THSD7B: variants seen among roughly 807,000 people sequenced by gnomAD.
The protein encoded by THSD7B is thrombospondin type-1 domain-containing protein 7B.
A neutral mutation model predicts 213.6 loss-of-function variants in THSD7B; 138 were observed. The ratio of observed to expected loss-of-function variants is 0.65; its 90% confidence interval spans 0.56 to 0.74. The LOEUF is 0.74. Among genes scored for constraint, THSD7B ranks in the 30% least tolerant of loss-of-function variants. The pLI is 0.00. For missense variants in THSD7B, 1,931 were observed against 1,991.5 expected (o/e 0.97, Z 0.58); for synonymous variants, 742 against 687.0 (o/e 1.08, Z -1.25).
At chr2:136,984,676 G>C (rs1356698415) in intron 2 of THSD7B, among the ~76,000 whole-genome samples, 1 of 152,188 alleles carries the variant, frequency 6.6e-6, no homozygotes, top group African/African-American at 2.4e-5. Context: ...TTAGTACCAA[G>C]AATGGGGTGT....
chr2:137,475,207 TATATA>T (rs1464657806), intron 15 of THSD7B, among the ~76,000 whole-genome samples: 1 of 152,204 alleles, frequency 6.6e-6, no homozygotes, highest in Non-Finnish European at 1.5e-5. Flanking sequence ...TGAAAATTGA[TATATA>T]ATGTTTGTAT....
chr2:136,914,046 T>G (rs1196715067), intron 2 of THSD7B, among the ~76,000 whole-genome samples: 1 of 152,198 alleles, frequency 6.6e-6, no homozygotes, highest in African/African-American at 2.4e-5. Flanking sequence ...GGAGGGAGGC[T>G]GTACCCTTTA....
intron 2 of THSD7B, among the ~76,000 whole-genome samples, chr2:137,004,340 CACACACAA>C (rs879874735): frequency 6.9e-6 from 1 of 145,982 alleles, no homozygotes; most frequent in African/African-American, 2.6e-5. Context: ...CACACACACA[CACACACAA>C]ACTTATTCCA....
chr2:137,554,729 G>C (rs147607031), intron 15 of THSD7B, among the ~76,000 whole-genome samples: 1 of 152,148 alleles, frequency 6.6e-6, no homozygotes, highest in South Asian at 2.1e-4. Flanking sequence ...TGCACCGAGC[G>C]TGAGCCAAAG....
chr2:136,801,841 A>T (rs1372693598), intron 1 of THSD7B, among the ~76,000 whole-genome samples: 2 of 152,138 alleles, frequency 1.3e-5, no homozygotes, highest in African/African-American at 4.8e-5. Flanking sequence ...GAGTGCTAGA[A>T]CTAAGAGGAG....
chr2:137,085,826 A>G (rs776031195), intron 3 of THSD7B, among the ~76,000 whole-genome samples: 3 of 152,196 alleles, frequency 2.0e-5, no homozygotes, highest in African/African-American at 7.2e-5. Flanking sequence ...ACCACAAACT[A>G]TGAGGGGAAG....
chr2:136,916,888 A>T (rs1471704960), intron 2 of THSD7B, among the ~76,000 whole-genome samples: 1 of 152,192 alleles, frequency 6.6e-6, no homozygotes, highest in Non-Finnish European at 1.5e-5. Context: ...TTCATTCTTT[A>T]GTCTTGGCAT....
chr2:137,642,396 G>T, intron 20 of THSD7B, 92 bp from the exon 21 acceptor site: 1 of 1,450,542 alleles, frequency 6.9e-7, no homozygotes, highest in Non-Finnish European at 9.3e-7. Flanking sequence ...CTATTAAAAT[G>T]AAGACTTACA....
At chr2:137,461,807 G>A (rs1447574461) in intron 15 of THSD7B, among the ~76,000 whole-genome samples, 2 of 152,086 alleles carry the variant, frequency 1.3e-5, no homozygotes, top group Non-Finnish European at 2.9e-5. Flanking sequence ...CTGCTGAGGA[G>A]TCAGAAGGAA....
At chr2:137,535,700 G>T (rs1037607041) in intron 15 of THSD7B, among the ~76,000 whole-genome samples, 1 of 151,702 alleles carries the variant, frequency 6.6e-6, no homozygotes, top group African/African-American at 2.4e-5. Context: ...AGTGAAGGAA[G>T]TAGACTGCAA....
intron 4 of THSD7B, among the ~76,000 whole-genome samples, chr2:137,112,001 C>T (rs981971523): frequency 6.6e-6 from 1 of 152,082 alleles, no homozygotes; most frequent in Non-Finnish European, 1.5e-5. Context: ...ATGGGCTTAG[C>T]CATTAAAGAG....
At chr2:137,234,172 G>A (rs1485404977) in intron 9 of THSD7B, among the ~76,000 whole-genome samples, 2 of 152,246 alleles carry the variant, frequency 1.3e-5, no homozygotes, top group Non-Finnish European at 2.9e-5. Context: ...CAGATATGCA[G>A]TTGGAACAAA....
chr2:137,010,618 A>T (rs1686214273), intron 2 of THSD7B, among the ~76,000 whole-genome samples: 1 of 152,174 alleles, frequency 6.6e-6, no homozygotes, highest in African/African-American at 2.4e-5. Context: ...TGTAGTGCCA[A>T]CACATGTTAT....
intron 12 of THSD7B, among the ~76,000 whole-genome samples, chr2:137,283,477 A>C (rs1184152350): frequency 3.9e-5 from 6 of 152,146 alleles, no homozygotes; most frequent in Non-Finnish European, 7.4e-5. Flanking sequence ...GTCTTGTGCC[A>C]GTTTTCAAAG....
At chr2:136,796,599 A>C (rs911903289) in intron 1 of THSD7B, among the ~76,000 whole-genome samples, 2 of 151,942 alleles carry the variant, frequency 1.3e-5, no homozygotes, top group Non-Finnish European at 2.9e-5. Flanking sequence ...AATCTAATTC[A>C]AGATTTTCAG....
intron 12 of THSD7B, among the ~76,000 whole-genome samples, chr2:137,362,925 G>A (rs1367623194): frequency 1.3e-5 from 2 of 152,148 alleles, no homozygotes; most frequent in African/African-American, 4.8e-5. Flanking sequence ...CAAATCAACA[G>A]AATACACATT....
At chr2:137,468,255 T>C (rs1275398843) in intron 15 of THSD7B, among the ~76,000 whole-genome samples, 1 of 152,120 alleles carries the variant, frequency 6.6e-6, no homozygotes, top group African/African-American at 2.4e-5. Context: ...AGGAGATTTA[T>C]ATATTTAGAT....
At chr2:136,852,603 G>T (rs1683117293) in intron 1 of THSD7B, among the ~76,000 whole-genome samples, 1 of 152,134 alleles carries the variant, frequency 6.6e-6, no homozygotes, top group African/African-American at 2.4e-5. Context: ...GTGATTATTT[G>T]TTATGGTAGC....
At chr2:136,939,489 C>G (rs1200232627) in intron 2 of THSD7B, among the ~76,000 whole-genome samples, 2 of 152,094 alleles carry the variant, frequency 1.3e-5, no homozygotes, top group African/African-American at 4.8e-5. Flanking sequence ...CTTTTATCAC[C>G]TTATGCCCCA....
Sources: allele counts gnomAD v4.1 joint callset (sites outside exome capture counted in the v4.1 genomes callset), GRCh38; gene constraint gnomAD v4.1.1; transcripts MANE v1.5; gene names NCBI Gene and HGNC (gene_info 2026-07-23, HGNC 2026-07-21).